Variants in CDC42BPA observed in about 807,000 individuals in gnomAD.
CDC42BPA encodes CDC42 binding protein kinase alpha, also known as serine/threonine-protein kinase MRCK alpha.
In CDC42BPA, 80 loss-of-function variants were observed where a neutral mutation model predicts 223.5. That is an observed-to-expected ratio of 0.36 (90% CI 0.30 to 0.43). CDC42BPA has a LOEUF of 0.43. Among genes scored for constraint, CDC42BPA ranks in the 20% least tolerant of loss-of-function variants. The pLI is 1.00. For synonymous variants in CDC42BPA, 694 were observed against 718.6 expected (o/e 0.97, Z 0.55); for missense variants, 1,743 against 2,099.9 (o/e 0.83, Z 3.32).
chr1:227,051,185 T>C (rs191323496), intron 22 of CDC42BPA, among the ~76,000 whole-genome samples: 2 of 152,286 alleles, frequency 1.3e-5, no homozygotes, highest in East Asian at 3.9e-4. Flanking sequence ...GACACAGCTC[T>C]GGAGATTTAA....
In CDC42BPA at chr1:227,102,729, T is replaced by C. The variant is rs970726513; in HGVS notation, c.2002-1490A>G. On this transcript the variant is annotated intron_variant, in intron 14 of 36. Transcript: ENST00000366766. The stretch of plus-strand genomic sequence containing the variant: ...AAACCATCTGTAAAAAAGAAAAACC[T>C]ACCAAGAAATAATAGGTTTTATTGC... Among the ~76,000 whole-genome samples the C allele has an allele frequency of 2.6e-5, 4 of 152,108 alleles. 1 individual carries two copies. The highest frequency in any genetic ancestry group is 9.7e-5 in the African/African-American group (4 of 41,438).
chr1:227,117,467 C>A (rs905430221), intron 12 of CDC42BPA, among the ~76,000 whole-genome samples: 2 of 151,822 alleles, frequency 1.3e-5, no homozygotes, highest in Admixed American at 6.6e-5. Flanking sequence ...CAGGTGTGCA[C>A]CACCCAGCTA....
chr1:227,035,246 A>T (rs536154109), intron 25 of CDC42BPA, among the ~76,000 whole-genome samples: 1 of 152,316 alleles, frequency 6.6e-6, no homozygotes, highest in East Asian at 1.9e-4. Flanking sequence ...ATTTCATCAC[A>T]AGATAGGAAC....
chr1:227,232,775 C>T (rs1271996331), intron 2 of CDC42BPA, among the ~76,000 whole-genome samples: 1 of 152,212 alleles, frequency 6.6e-6, no homozygotes, highest in South Asian at 2.1e-4. Context: ...CTTCTGGAAG[C>T]TTCGTCTCAG....
chr1:227,248,161 T>C (rs577115731), intron 2 of CDC42BPA, among the ~76,000 whole-genome samples: 1 of 152,024 alleles, frequency 6.6e-6, no homozygotes, highest in South Asian at 2.1e-4. Flanking sequence ...AAAATAAGAG[T>C]AGAAAGTTTA....
chr1:227,038,310 A>G (rs1670716735), intron 24 of CDC42BPA, among the ~76,000 whole-genome samples: 1 of 152,148 alleles, frequency 6.6e-6, no homozygotes, highest in South Asian at 2.1e-4. Context: ...TGTGGAACTG[A>G]GTCAATTAAA....
intron 20 of CDC42BPA, among the ~76,000 whole-genome samples, chr1:227,071,456 G>A (rs1483447275): frequency 6.6e-6 from 1 of 151,748 alleles, no homozygotes; most frequent in African/African-American, 2.4e-5. Flanking sequence ...ATTAAGGAAA[G>A]TTTAAGAAGT....
intron 5 of CDC42BPA, among the ~76,000 whole-genome samples, chr1:227,176,448 G>A (rs1275554130): frequency 6.6e-6 from 1 of 151,934 alleles, no homozygotes; most frequent in East Asian, 1.9e-4. Flanking sequence ...TAACTATACT[G>A]TCACCACTAA....
At chr1:227,309,117 C>A (rs1178189115) in intron 1 of CDC42BPA, among the ~76,000 whole-genome samples, 7 of 150,946 alleles carry the variant, frequency 4.6e-5, no homozygotes, top group Admixed American at 3.3e-4. Context: ...GTAATCCCAG[C>A]ACTTTGGGGA....
chr1:227,047,877 T>C, intron 23 of CDC42BPA, 50 bp downstream of exon 23: 1 of 1,097,120 alleles, frequency 9.1e-7, no homozygotes, highest in Non-Finnish European at 1.4e-6. Context: ...ATAGAGCAGA[T>C]AAAATTCATT....
intron 35 of CDC42BPA, among the ~76,000 whole-genome samples, chr1:227,000,409 A>C (rs574812900): frequency 5.9e-5 from 9 of 152,246 alleles, no homozygotes; most frequent in Non-Finnish European, 1.3e-4. Flanking sequence ...AGTTCAAAAA[A>C]TAATGAAAAA....
At chr1:227,029,359 A>G in intron 29 of CDC42BPA, 109 bp from the exon 30 acceptor site, 1 of 678,418 alleles carries the variant, frequency 1.5e-6, no homozygotes, top group Non-Finnish European at 2.4e-6. Context: ...ACGGAAGAAT[A>G]AGACATCAGA....
At chr1:227,221,602 C>CTTT (rs71281006) in intron 2 of CDC42BPA, among the ~76,000 whole-genome samples, 38 of 102,160 alleles carry the variant, frequency 3.7e-4, no homozygotes, top group African/African-American at 1.4e-3. Context: ...AAATAATAGG[C>CTTT]TTTTTTTTTT....
At chr1:227,205,791 G>T (rs138501534) in intron 3 of CDC42BPA, among the ~76,000 whole-genome samples, 1 of 152,146 alleles carries the variant, frequency 6.6e-6, no homozygotes, top group Non-Finnish European at 1.5e-5. Context: ...GCTCACACCT[G>T]TAATCCCAGC....
At chr1:227,242,828 T>C (rs1416600087) in intron 2 of CDC42BPA, among the ~76,000 whole-genome samples, 1 of 152,202 alleles carries the variant, frequency 6.6e-6, no homozygotes, top group Non-Finnish European at 1.5e-5. Context: ...CTTGGGTATA[T>C]ACCCAAAGGA....
intron 30 of CDC42BPA, among the ~76,000 whole-genome samples, chr1:227,027,575 T>C (rs142836381): frequency 6.6e-6 from 1 of 152,326 alleles, no homozygotes; most frequent in Non-Finnish European, 1.5e-5. Flanking sequence ...TCAAGTATTT[T>C]TCATTAAAAA....
At chr1:227,046,235 T>C (rs1421937677) in intron 23 of CDC42BPA, among the ~76,000 whole-genome samples, 2 of 152,086 alleles carry the variant, frequency 1.3e-5, no homozygotes, top group Non-Finnish European at 2.9e-5. Flanking sequence ...AGCAAACATA[T>C]GATGTGCTTG....
At chr1:227,096,447 CTGAAACAGATTCTGTAACT>C (rs1684021217) in intron 15 of CDC42BPA, among the ~76,000 whole-genome samples, 1 of 152,194 alleles carries the variant, frequency 6.6e-6, no homozygotes, top group African/African-American at 2.4e-5. Context: ...GGTAAGCATC[CTGAAACAGATTCTGTAACT>C]ACTTTTTCAT....
intron 8 of CDC42BPA, 33 bp from the exon 9 acceptor site, chr1:227,143,057 GATAGCTATATGATCT>G (rs1275103907): frequency 7.1e-7 from 1 of 1,402,952 alleles, no homozygotes; most frequent in Admixed American, 2.8e-5. Flanking sequence ...GTAAGAAATA[GATAGCTATATGATCT>G]GTAGGCTTGG....
Sources: allele counts gnomAD v4.1 joint callset (sites outside exome capture counted in the v4.1 genomes callset), GRCh38; gene constraint gnomAD v4.1.1; transcripts MANE v1.5; gene names NCBI Gene and HGNC (gene_info 2026-07-23, HGNC 2026-07-21).